Variants in RIMS1 observed in about 807,000 individuals in gnomAD.
RIMS1 encodes the protein regulating synaptic membrane exocytosis protein 1.
In RIMS1, 83 loss-of-function variants were observed where a neutral mutation model predicts 214.1. The ratio of observed to expected loss-of-function variants is 0.39; its 90% CI spans 0.32 to 0.47. The LOEUF (loss-of-function observed/expected upper bound fraction) is 0.47. RIMS1 is among the 20% of genes least tolerant of loss of function. RIMS1 has a pLI of 0.99. For missense variants in RIMS1, 2,050 were observed against 2,161.8 expected (o/e 0.95, Z 1.03); for synonymous variants, 793 against 786.8 (o/e 1.01, Z -0.13).
At chr6:72,141,947 G>A (rs1186693372) in intron 4 of RIMS1, among the ~76,000 whole-genome samples, 1 of 151,804 alleles carries the variant, frequency 6.6e-6, no homozygotes, top group Non-Finnish European at 1.5e-5. Flanking sequence ...TAACATTTTT[G>A]TAATAAAAAT....
chr6:72,289,254 C>T (rs567590308), intron 24 of RIMS1, among the ~76,000 whole-genome samples: 3 of 152,000 alleles, frequency 2.0e-5, no homozygotes, highest in Admixed American at 6.6e-5. Context: ...GTATCTTGAA[C>T]AAAGATTGAA....
At chr6:72,022,196 T>A (rs760958688) in intron 2 of RIMS1, among the ~76,000 whole-genome samples, 11 of 152,178 alleles carry the variant, frequency 7.2e-5, no homozygotes, top group Non-Finnish European at 1.2e-4. Flanking sequence ...CCAAAAAATA[T>A]TTACAGAAAA....
chr6:71,973,117 T>G (rs773746074), intron 2 of RIMS1, among the ~76,000 whole-genome samples: 1 of 151,858 alleles, frequency 6.6e-6, no homozygotes, highest in Non-Finnish European at 1.5e-5. Context: ...ACCATGTTGG[T>G]CAGGCTGGTC....
At chr6:72,288,710 C>T (rs985044910) in intron 24 of RIMS1, among the ~76,000 whole-genome samples, 10 of 152,160 alleles carry the variant, frequency 6.6e-5, no homozygotes, top group African/African-American at 2.4e-4. Context: ...TCTCTAAGCT[C>T]TGCATTTTTC....
chr6:72,383,071 T>C (rs1337886427), intron 29 of RIMS1, among the ~76,000 whole-genome samples: 3 of 152,224 alleles, frequency 2.0e-5, no homozygotes, highest in African/African-American at 7.2e-5. Context: ...ATTTCTCAGC[T>C]CATGATCTCT....
intron 26 of RIMS1, among the ~76,000 whole-genome samples, chr6:72,296,414 A>C (rs539369172): frequency 4.1e-4 from 62 of 152,074 alleles, no homozygotes; most frequent in South Asian, 1.0e-3. Context: ...CCCTGGCTGC[A>C]GTCATACATC....
intron 2 of RIMS1, among the ~76,000 whole-genome samples, chr6:72,068,868 G>A (rs914558814): frequency 1.3e-5 from 2 of 151,324 alleles, no homozygotes; most frequent in Non-Finnish European, 2.9e-5. Flanking sequence ...CCGAGATCGC[G>A]CCACTGTACT....
chr6:72,347,462 A>C (rs892473099), intron 29 of RIMS1, among the ~76,000 whole-genome samples: 1 of 151,922 alleles, frequency 6.6e-6, no homozygotes, highest in African/African-American at 2.4e-5. Context: ...TGTTCTTAGT[A>C]GATCACAGAA....
At chr6:72,210,728 T>C (rs1228091342) in intron 6 of RIMS1, among the ~76,000 whole-genome samples, 2 of 152,236 alleles carry the variant, frequency 1.3e-5, no homozygotes, top group African/African-American at 4.8e-5. Flanking sequence ...TGCCACTGAC[T>C]TGATATGTCA....
intron 6 of RIMS1, among the ~76,000 whole-genome samples, chr6:72,217,398 G>A (rs1022058077): frequency 3.9e-5 from 6 of 152,112 alleles, no homozygotes; most frequent in African/African-American, 1.4e-4. Context: ...ATTTTAGGAT[G>A]CAATAATGAT....
At chr6:72,029,510 A>G (rs1223206488) in intron 2 of RIMS1, among the ~76,000 whole-genome samples, 2 of 152,150 alleles carry the variant, frequency 1.3e-5, no homozygotes, top group Non-Finnish European at 2.9e-5. Context: ...AGAAGGTGAC[A>G]TCCAGAAGGA....
chr6:72,306,253 T>TCACA (rs143506753), intron 26 of RIMS1, among the ~76,000 whole-genome samples: 6 of 149,814 alleles, frequency 4.0e-5, no homozygotes, highest in African/African-American at 1.2e-4. Flanking sequence ...ACACGCATGC[T>TCACA]CACACACACA....
intron 6 of RIMS1, chr6:72,217,338 T>C: frequency 2.6e-6 from 3 of 1,143,732 alleles, no homozygotes; most frequent in Non-Finnish European, 3.7e-6. Context: ...ATGTTTCATT[T>C]AGATTCTATC....
intron 6 of RIMS1, among the ~76,000 whole-genome samples, chr6:72,185,670 T>C (rs2048996213): frequency 6.6e-6 from 1 of 152,216 alleles, no homozygotes; most frequent in Non-Finnish European, 1.5e-5. Flanking sequence ...CCTTCTATGA[T>C]AGAGACAATG....
chr6:72,037,541 A>G (rs1439978929), intron 2 of RIMS1, among the ~76,000 whole-genome samples: 2 of 152,072 alleles, frequency 1.3e-5, no homozygotes, highest in Non-Finnish European at 2.9e-5. Context: ...TTGAGGTGTA[A>G]TAGAGATATC....
intron 22 of RIMS1, among the ~76,000 whole-genome samples, chr6:72,274,005 C>CT (rs2154192971): frequency 6.6e-6 from 1 of 152,166 alleles, no homozygotes; most frequent in South Asian, 2.1e-4. Context: ...AAAGATGCAT[C>CT]TTTAAGAACT....
intron 26 of RIMS1, among the ~76,000 whole-genome samples, chr6:72,293,064 T>C (rs953249846): frequency 1.3e-5 from 2 of 152,020 alleles, no homozygotes; most frequent in Non-Finnish European, 2.9e-5. Context: ...GGTAAATGCA[T>C]TGTTTCAAAG....
At chr6:72,013,209 A>G (rs1811462262) in intron 2 of RIMS1, among the ~76,000 whole-genome samples, 1 of 152,190 alleles carries the variant, frequency 6.6e-6, no homozygotes, top group African/African-American at 2.4e-5. Flanking sequence ...TAACCCCAAT[A>G]TTGCCTACGC....
chr6:72,167,827 G>A (rs966407704), intron 4 of RIMS1, among the ~76,000 whole-genome samples: 9 of 151,774 alleles, frequency 5.9e-5, no homozygotes, highest in Non-Finnish European at 1.3e-4. Flanking sequence ...CTTGACCAGT[G>A]CTGTGGGATT....
Sources: allele counts gnomAD v4.1 joint callset (sites outside exome capture counted in the v4.1 genomes callset), GRCh38; gene constraint gnomAD v4.1.1; transcripts MANE v1.5; gene names NCBI Gene and HGNC (gene_info 2026-07-23, HGNC 2026-07-21).